The following GPC5 variants were observed in gnomAD, a reference collection of about 807,000 sequenced individuals.
The protein encoded by GPC5 is glypican-5.
In GPC5, 47 loss-of-function variants were observed where a neutral mutation model predicts 53.9. That is an observed-to-expected ratio of 0.87 (90% confidence interval 0.69 to 1.11). The LOEUF (loss-of-function observed/expected upper bound fraction) is 1.11. Ranked by LOEUF, GPC5 falls within the 50% of genes most tolerant of loss-of-function variation. The probability of loss-of-function intolerance (pLI) is 0.00; values close to 1 mark genes in which losing one functional copy is unlikely to be tolerated. For synonymous variants in GPC5, 286 were observed against 263.3 expected (o/e 1.09, Z -0.84); for missense variants, 748 against 713.1 (o/e 1.05, Z -0.56).
intron 2 of GPC5, among the ~76,000 whole-genome samples, chr13:91,540,064 G>C (rs530523069): frequency 6.6e-6 from 1 of 152,224 alleles, no homozygotes; most frequent in East Asian, 1.9e-4. Flanking sequence ...AATTACATCA[G>C]GCTGTATAAC....
intron 7 of GPC5, among the ~76,000 whole-genome samples, chr13:92,417,396 G>A (rs1325475174): frequency 1.3e-5 from 2 of 152,116 alleles, no homozygotes; most frequent in African/African-American, 4.8e-5. Flanking sequence ...ATACACTGCT[G>A]GTGGAAATAT....
chr13:92,309,695 G>A (rs568550068), intron 7 of GPC5, among the ~76,000 whole-genome samples: 16 of 151,946 alleles, frequency 1.1e-4, no homozygotes, highest in African/African-American at 3.4e-4. Flanking sequence ...CCACAATCAA[G>A]CTAATGAATA....
chr13:91,959,064 A>C (rs2040101451), intron 6 of GPC5, among the ~76,000 whole-genome samples: 1 of 127,200 alleles, frequency 7.9e-6, no homozygotes, highest in Admixed American at 7.7e-5. Flanking sequence ...GACAACACAC[A>C]CACACACACA....
At chr13:91,913,632 T>G (rs2039631929) in intron 6 of GPC5, among the ~76,000 whole-genome samples, 4 of 152,112 alleles carry the variant, frequency 2.6e-5, no homozygotes, top group Admixed American at 2.6e-4. Context: ...GTTCCTTCAT[T>G]CCCTCTGCAA....
rs190508815 is a variant in GPC5, at chr13:92,016,835, C to T, written c.1401+108778C>T. Among the ~76,000 whole-genome samples the T allele has an allele frequency of 5.7e-5, 8 of 140,564 alleles. No individual in the cohort carries two copies. In the East Asian group the frequency reaches 1.6e-3, roughly 27 times the overall value. The allele number at this position is 140,564 out of a possible 152,430, so 92.2% of individuals were successfully genotyped here. On this transcript the variant is annotated intron_variant, in intron 6 of 7. Coordinates refer to ENST00000377067, the MANE Select transcript of GPC5 (RefSeq NM_004466.6). Reference sequence around the variant, plus strand: ...CTCCGCCTTCTGGGTTCACTCAGTTCTCCTCTTCAGCCGAGTCTCCACTAA... The same window carrying T: ...CTCCGCCTTCTGGGTTCACTCAGTTTTCCTCTTCAGCCGAGTCTCCACTAA...
intron 7 of GPC5, among the ~76,000 whole-genome samples, chr13:92,527,034 T>C (rs752846234): frequency 6.7e-6 from 1 of 149,450 alleles, no homozygotes; most frequent in Non-Finnish European, 1.5e-5. Flanking sequence ...TGGTCAGGGC[T>C]GGACTTACAA....
chr13:92,384,627 A>C (rs7317941), intron 7 of GPC5, among the ~76,000 whole-genome samples: 103,094 of 151,936 alleles, frequency 0.68, 35,774 homozygotes, highest in African/African-American at 0.82. Flanking sequence ...ACAATTCCAG[A>C]ATGTAAACCT....
intron 5 of GPC5, among the ~76,000 whole-genome samples, chr13:91,771,411 T>C (rs2037622830): frequency 6.6e-6 from 1 of 152,200 alleles, no homozygotes; most frequent in African/African-American, 2.4e-5. Context: ...TGTATCAATA[T>C]TGCAAATACA....
At chr13:92,288,873 A>T (rs2042974870) in intron 7 of GPC5, among the ~76,000 whole-genome samples, 2 of 152,156 alleles carry the variant, frequency 1.3e-5, no homozygotes, top group South Asian at 4.1e-4. Context: ...GGTTTCATAA[A>T]GTCCCCTCCA....
chr13:91,484,396 T>G (rs1883478069), intron 2 of GPC5, among the ~76,000 whole-genome samples: 1 of 152,156 alleles, frequency 6.6e-6, no homozygotes, highest in Non-Finnish European at 1.5e-5. Flanking sequence ...TACCAAGAAG[T>G]CTTTATTGAG....
At chr13:92,080,707 T>A (rs750514999) in intron 6 of GPC5, among the ~76,000 whole-genome samples, 28 of 152,350 alleles carry the variant, frequency 1.8e-4, no homozygotes, top group Middle Eastern at 3.4e-3. Context: ...TCTTAAAATA[T>A]AATTCTCATG....
At chr13:92,380,945 C>T (rs2043733997) in intron 7 of GPC5, among the ~76,000 whole-genome samples, 1 of 151,954 alleles carries the variant, frequency 6.6e-6, no homozygotes, top group Non-Finnish European at 1.5e-5. Flanking sequence ...AGAATACAGG[C>T]GTACCTAAGG....
Position 91,907,983 on chromosome 13 carries a change from A to T in GPC5, c.1327A>T (p.Asn443Tyr). 1 of 1,595,072 alleles carries T rather than the reference A, an allele frequency of 6.3e-7. No individual in the cohort carries two copies. The highest frequency in any genetic ancestry group is 8.5e-7 in the Non-Finnish European group (1 of 1,178,214). The change falls in exon 6 of 8, where the codon AAT (asparagine) becomes TAT (tyrosine). Residue 443 changes from asparagine (N) to tyrosine (Y), a missense_variant. Asn to Tyr is a moderately radical substitution (Grantham distance 143). Transcript: ENST00000377067. ...AAATGGAATCAAAGCCCAGTCTGGA[A>T]ATCCTGAAGTCAAAGTCAAAGGAAT... ...VGNGIKAQSG[N>Y]PEVKVKGIDP...
At chr13:92,849,198 T>C (rs1279076867) in intron 7 of GPC5, among the ~76,000 whole-genome samples, 2 of 152,054 alleles carry the variant, frequency 1.3e-5, no homozygotes, top group African/African-American at 4.8e-5. Flanking sequence ...TGTGTGGTGC[T>C]CTATGGATAT....
At chr13:91,497,845 G>A (rs139449168) in intron 2 of GPC5, among the ~76,000 whole-genome samples, 115 of 152,252 alleles carry the variant, frequency 7.6e-4, no homozygotes, top group Non-Finnish European at 1.4e-3. Flanking sequence ...AATATATGAG[G>A]TGCATGAGAT....
chr13:92,806,283 T>C lies in GPC5; in HGVS notation c.1562-59999T>C, dbSNP rs1050666488. On this transcript the variant is annotated intron_variant, in intron 7 of 7. Coordinates refer to ENST00000377067, the MANE Select transcript of GPC5 (RefSeq NM_004466.6). ...ACTTTCCCACTGCTTTCATCCCTCA[T>C]AGAATTTAAAAGCATTAAGGCCTTG... 2.6e-4 allele frequency among the ~76,000 whole-genome samples: 39 copies of C among 152,066 alleles called. 1 individual carries two copies. Among genetic ancestry groups the C allele is most frequent in the African/African-American group, 8.4e-4 (35 of 41,444 alleles).
intron 7 of GPC5, among the ~76,000 whole-genome samples, chr13:92,805,903 GT>G (rs575471568): frequency 5.9e-5 from 9 of 151,978 alleles, no homozygotes; most frequent in Non-Finnish European, 1.3e-4. Context: ...TTTTGGAATG[GT>G]AAATGAGCTT....
chr13:91,666,933 T>C (rs2139650617), intron 2 of GPC5, among the ~76,000 whole-genome samples: 1 of 152,314 alleles, frequency 6.6e-6, no homozygotes, highest in South Asian at 2.1e-4. Flanking sequence ...CTTGAATAGA[T>C]TAGCCAAAAC....
At position 92,561,226 on chromosome 13, in the gene GPC5, T is replaced by G. The variant is rs74435198; in HGVS notation, c.1562-305056T>G. On this transcript the variant is annotated intron_variant, in intron 7 of 7. Transcript: ENST00000377067. Reference sequence around the variant, plus strand: ...CTCTTTTCAGTAAGTTATGCTGCGCTTATTTACATACGATCATTATATTCC... The same window carrying G: ...CTCTTTTCAGTAAGTTATGCTGCGCGTATTTACATACGATCATTATATTCC... Among the ~76,000 whole-genome samples, 359 of 152,120 alleles carry G rather than the reference T, an allele frequency of 2.4e-3. 2 individuals carry two copies. Among genetic ancestry groups the G allele is most frequent in the African/African-American group, 8.0e-3 (332 of 41,528 alleles).
Sources: allele counts gnomAD v4.1 joint callset (sites outside exome capture counted in the v4.1 genomes callset), GRCh38; gene constraint gnomAD v4.1.1; transcripts MANE v1.5; gene names NCBI Gene and HGNC (gene_info 2026-07-23, HGNC 2026-07-21).